The following CNTN4 variants were observed in gnomAD, a reference collection of about 807,000 sequenced individuals.
CNTN4 encodes the protein contactin 4, also known as contactin-4.
CNTN4 carries 77 observed loss-of-function variants against 122.5 expected under a neutral mutation model. The ratio of observed to expected loss-of-function variants is 0.63; its 90% CI spans 0.52 to 0.76. The LOEUF is 0.76. CNTN4 is among the 30% of genes least tolerant of loss of function. CNTN4 has a pLI of 0.00. For synonymous variants in CNTN4, 512 were observed against 447.0 expected (o/e 1.15, Z -1.83); for missense variants, 1,256 against 1,259.1 (o/e 1.00, Z 0.04).
At chr3:2,474,984 A>G (rs1447615404) in intron 3 of CNTN4, among the ~76,000 whole-genome samples, 2 of 152,188 alleles carry the variant, frequency 1.3e-5, no homozygotes, top group Admixed American at 6.5e-5. Context: ...TTAAATAGCA[A>G]TGCATTCAAT....
intron 2 of CNTN4, among the ~76,000 whole-genome samples, chr3:2,312,896 G>C (rs1022056814): frequency 4.6e-5 from 7 of 151,852 alleles, no homozygotes; most frequent in Middle Eastern, 3.4e-3. Flanking sequence ...AAATAACATT[G>C]AAAACTGGAG....
chr3:2,376,879 A>G (rs1300019648), intron 3 of CNTN4, among the ~76,000 whole-genome samples: 1 of 151,974 alleles, frequency 6.6e-6, no homozygotes, highest in Non-Finnish European at 1.5e-5. Context: ...AGAGCTCAGC[A>G]GGGCGCGGTG....
chr3:2,282,867 T>C (rs1382161177), intron 2 of CNTN4, among the ~76,000 whole-genome samples: 1 of 152,120 alleles, frequency 6.6e-6, no homozygotes, highest in African/African-American at 2.4e-5. Context: ...ACTTTGAAAA[T>C]ATGCTAAGTG....
At chr3:2,460,029 G>C (rs114988112) in intron 3 of CNTN4, among the ~76,000 whole-genome samples, 1 of 152,010 alleles carries the variant, frequency 6.6e-6, no homozygotes, top group African/African-American at 2.4e-5. Flanking sequence ...TGTTACATGA[G>C]TTGCATCTTA....
chr3:2,222,298 T>C lies in CNTN4; in HGVS notation c.-144-116880T>C, dbSNP rs78680523. Among the ~76,000 whole-genome samples the C allele has an allele frequency of 6.0e-3, 919 of 152,254 alleles. 4 individuals carry two copies. Among genetic ancestry groups the C allele is most frequent in the African/African-American group, 0.022 (895 of 41,554 alleles). On this transcript the variant is annotated intron_variant, in intron 2 of 24. Coordinates refer to ENST00000418658, the MANE Select transcript of CNTN4 (RefSeq NM_175607.3). ...AGTGAAAGAAAGTAGTCACAAGGGA[T>C]CACATATTATATGATACTGTTTATA...
chr3:2,465,662 G>A (rs1433208543), intron 3 of CNTN4, among the ~76,000 whole-genome samples: 5 of 152,042 alleles, frequency 3.3e-5, no homozygotes, highest in Non-Finnish European at 7.4e-5. Flanking sequence ...AGGCGACACA[G>A]CGAGACTCCA....
At chr3:2,895,191 G>A (rs1037280713) in intron 10 of CNTN4, among the ~76,000 whole-genome samples, 1 of 152,064 alleles carries the variant, frequency 6.6e-6, no homozygotes, top group Non-Finnish European at 1.5e-5. Flanking sequence ...GGCCAGGCTG[G>A]TTTCAAACTC....
intron 7 of CNTN4, among the ~76,000 whole-genome samples, chr3:2,854,042 A>C (rs958995318): frequency 6.6e-6 from 1 of 152,200 alleles, no homozygotes; most frequent in African/African-American, 2.4e-5. Flanking sequence ...CTGCACCTCA[A>C]GGCAGAACCG....
intron 3 of CNTN4, among the ~76,000 whole-genome samples, chr3:2,530,907 T>C (rs13072786): frequency 0.13 from 19,123 of 152,182 alleles, 1,405 homozygotes; most frequent in Middle Eastern, 0.19. Flanking sequence ...TGTTATAGTT[T>C]CAGTTGTTTT....
chr3:2,848,583 G>A (rs764285663), intron 7 of CNTN4, among the ~76,000 whole-genome samples: 5 of 152,164 alleles, frequency 3.3e-5, no homozygotes, highest in Admixed American at 1.3e-4. Flanking sequence ...AAATAAACAC[G>A]GGAATTTTTT....
chr3:2,843,342 T>C lies in CNTN4; in HGVS notation c.455-23410T>C, dbSNP rs765234013. ...TACCCTGTATCAAACCAACTCTCCC[T>C]ACCTTCAACCATTGCAACCCCAGTC... On this transcript the variant is annotated intron_variant, in intron 7 of 24. Coordinates refer to ENST00000418658, the MANE Select transcript of CNTN4 (RefSeq NM_175607.3). Among the ~76,000 whole-genome samples the C allele has an allele frequency of 1.4e-4, 22 of 152,254 alleles. No individual in the cohort carries two copies. The South Asian group carries it at 1.4e-3, about 10-fold the overall frequency.
intron 3 of CNTN4, among the ~76,000 whole-genome samples, chr3:2,429,201 A>G (rs948578614): frequency 6.6e-6 from 1 of 152,014 alleles, no homozygotes; most frequent in African/African-American, 2.4e-5. Flanking sequence ...CTTTCTCCCC[A>G]TCTTTGTGGT....
At chr3:2,473,297 A>T (rs2075744828) in intron 3 of CNTN4, among the ~76,000 whole-genome samples, 2 of 150,972 alleles carry the variant, frequency 1.3e-5, no homozygotes. Flanking sequence ...TAGCATCTTC[A>T]CTAGTCTCCC....
At chr3:2,464,515 C>G (rs1172602540) in intron 3 of CNTN4, among the ~76,000 whole-genome samples, 1 of 152,120 alleles carries the variant, frequency 6.6e-6, no homozygotes, top group Non-Finnish European at 1.5e-5. Context: ...GATGGGGAAA[C>G]AGAGGGAGGA....
intron 4 of CNTN4, among the ~76,000 whole-genome samples, chr3:2,702,257 C>A (rs898239330): frequency 2.0e-5 from 3 of 152,178 alleles, no homozygotes; most frequent in African/African-American, 7.2e-5. Context: ...GAGGTAATGC[C>A]ACCAAAGGAA....
chr3:2,370,807 T>C (rs2045603023), intron 3 of CNTN4, among the ~76,000 whole-genome samples: 2 of 152,170 alleles, frequency 1.3e-5, no homozygotes, highest in African/African-American at 2.4e-5. Flanking sequence ...AAGGTGAATA[T>C]ATACCAGTTT....
intron 4 of CNTN4, among the ~76,000 whole-genome samples, chr3:2,725,276 T>A (rs1228161397): frequency 6.6e-6 from 1 of 152,120 alleles, no homozygotes; most frequent in African/African-American, 2.4e-5. Flanking sequence ...TGATTGTAGA[T>A]CACCTGCATC....
chr3:2,370,970 AGT>A (rs1314350326), intron 3 of CNTN4, among the ~76,000 whole-genome samples: 1 of 152,196 alleles, frequency 6.6e-6, no homozygotes, highest in Non-Finnish European at 1.5e-5. Context: ...AGTATAGCAA[AGT>A]TCTTGCATTG....
At chr3:2,693,758 G>A (rs776902846) in intron 4 of CNTN4, among the ~76,000 whole-genome samples, 10 of 152,230 alleles carry the variant, frequency 6.6e-5, no homozygotes, top group East Asian at 1.9e-4. Flanking sequence ...AGAGCACACC[G>A]AGGAACTTGC....
Sources: allele counts gnomAD v4.1 joint callset (sites outside exome capture counted in the v4.1 genomes callset), GRCh38; gene constraint gnomAD v4.1.1; transcripts MANE v1.5; gene names NCBI Gene and HGNC (gene_info 2026-07-23, HGNC 2026-07-21).